The following RAP2A variants were observed in gnomAD, a reference collection of about 807,000 sequenced individuals.
RAP2A encodes ras-related protein Rap-2a.
In RAP2A, 5 loss-of-function variants were observed where a neutral mutation model predicts 15.1. The ratio of observed to expected loss-of-function variants is 0.33; its 90% CI spans 0.17 to 0.70. The LOEUF (loss-of-function observed/expected upper bound fraction) is 0.70, where lower values mean the gene tolerates loss of function less well. Ranked by LOEUF, RAP2A falls within the 30% of genes least tolerant of loss-of-function variation. The pLI, the probability that RAP2A is intolerant of heterozygous loss-of-function variation, is 0.68. For synonymous variants in RAP2A, 110 were observed against 99.7 expected, an observed-to-expected ratio of 1.10 and a Z score of -0.62; for missense variants, 111 against 240.3, an observed-to-expected ratio of 0.46 and a Z score of 3.56.
Position 97,467,685 on chromosome 13 carries a change from T to TA in RAP2A, c.*3243_*3244insA, listed in dbSNP as rs1368276542. ...TTAAGGACTATGGAGGTCTTTTTTTTTTTATTTAACATGTCATTGTTCATC... is the reference window on the plus strand; with the variant it reads ...TTAAGGACTATGGAGGTCTTTTTTTTATTTATTTAACATGTCATTGTTCATC... On this transcript the variant is annotated 3_prime_UTR_variant, in exon 2 of 2. Coordinates refer to ENST00000245304, the MANE Select transcript of RAP2A (RefSeq NM_021033.7). The TA allele has an allele frequency of 2.0e-5, 3 of 152,244 alleles. No individual in the cohort carries two copies. The highest frequency in any genetic ancestry group is 2.1e-4 in the South Asian group (1 of 4,810). The allele number at this position is 152,244 out of a possible 1,614,324, so 9.4% of individuals were successfully genotyped here. A position where few individuals can be genotyped will look rare whatever the true frequency, so the allele number is the denominator to read the frequency against.
At chr13:97,469,126 ATAGT>A (rs1162288971) in exon 2 of RAP2A, 1 of 151,910 alleles carries the variant, frequency 6.6e-6, no homozygotes. Context: ...ATTTTCATAA[ATAGT>A]TTTTGTGGTT....
chr13:97,439,799 G>T (rs1400738363), intron 1 of RAP2A, among the ~76,000 whole-genome samples: 2 of 152,184 alleles, frequency 1.3e-5, no homozygotes, highest in Non-Finnish European at 2.9e-5. Context: ...AAGATACACA[G>T]TGGAGACTTC....
At chr13:97,434,893 C>A in intron 1 of RAP2A, 109 bp downstream of exon 1, 1 of 1,435,344 alleles carries the variant, frequency 7.0e-7, no homozygotes, top group Non-Finnish European at 9.4e-7. Flanking sequence ...GGGGTGGCTC[C>A]AAGCTGGAGG....
At chr13:97,447,174 G>T (rs577924889) in intron 1 of RAP2A, among the ~76,000 whole-genome samples, 1 of 152,098 alleles carries the variant, frequency 6.6e-6, no homozygotes, top group Non-Finnish European at 1.5e-5. Context: ...TGATCTACCC[G>T]ATGTCATTTG....
chr13:97,437,642 ATTAC>A (rs2066639942), intron 1 of RAP2A: 1 of 152,224 alleles, frequency 6.6e-6, no homozygotes. Context: ...TTTGGAATTC[ATTAC>A]TTAGTATATT....
At chr13:97,453,420 T>C (rs1345429243) in intron 1 of RAP2A, among the ~76,000 whole-genome samples, 2 of 151,322 alleles carry the variant, frequency 1.3e-5, no homozygotes, top group African/African-American at 4.9e-5. Context: ...CATTGGTCTG[T>C]TCTCCTTTTC....
In RAP2A at chr13:97,434,502, C is replaced by G; in HGVS notation, c.32C>G (p.Ser11Trp). MREYKVVVLG[S>W]GGVGKSALTV... is the part of the protein sequence containing the mutation. ...GAGTACAAAGTGGTGGTGCTGGGCT[C>G]GGGCGGGGTAGGCAAATCCGCCCTG... The change falls in exon 1 of 2, where the codon TCG (serine) becomes TGG (tryptophan). Residue 11 changes from serine (S) to tryptophan (W), a missense_variant. Ser to Trp is a radical substitution (Grantham distance 177). Around this residue, in one of 3 missense-constraint regions of RAP2A, gnomAD observed 20 missense variants for 28.2 expected, o/e 0.71. Transcript: ENST00000245304. 6.2e-7 allele frequency: 1 copy of G among 1,611,958 alleles called. No homozygotes were observed. Among genetic ancestry groups the G allele is most frequent in the Non-Finnish European group, 8.5e-7 (1 of 1,178,842 alleles).
chr13:97,457,583 G>C (rs1240446878), intron 1 of RAP2A, among the ~76,000 whole-genome samples: 1 of 151,846 alleles, frequency 6.6e-6, no homozygotes, highest in Non-Finnish European at 1.5e-5. Flanking sequence ...CTATAAAATG[G>C]AGTACTACCT....
chr13:97,447,952 T>C (rs921179626), intron 1 of RAP2A, among the ~76,000 whole-genome samples: 7 of 151,776 alleles, frequency 4.6e-5, no homozygotes, highest in African/African-American at 1.5e-4. Context: ...AAACTCCTTA[T>C]ACTACTCAGA....
intron 1 of RAP2A, among the ~76,000 whole-genome samples, chr13:97,435,318 T>A (rs1300915551): frequency 6.6e-6 from 1 of 152,122 alleles, no homozygotes; most frequent in Non-Finnish European, 1.5e-5. Flanking sequence ...AAAGACAGAT[T>A]ATTAAATTAT....
chr13:97,457,397 T>C (rs2066727539), intron 1 of RAP2A, among the ~76,000 whole-genome samples: 1 of 151,964 alleles, frequency 6.6e-6, no homozygotes, highest in African/African-American at 2.4e-5. Flanking sequence ...GATAATTAAA[T>C]TACGGTACAG....
chr13:97,462,055 T>C (rs1247541711), intron 1 of RAP2A, among the ~76,000 whole-genome samples: 1 of 145,540 alleles, frequency 6.9e-6, no homozygotes, highest in African/African-American at 2.5e-5. Context: ...TATATATATT[T>C]ATATATATAT....
chr13:97,440,130 T>C (rs1566471347), intron 1 of RAP2A, among the ~76,000 whole-genome samples: 1 of 147,306 alleles, frequency 6.8e-6, no homozygotes, highest in Non-Finnish European at 1.5e-5. Flanking sequence ...GTGAAACTTC[T>C]GGAGCTCTGC....
intron 1 of RAP2A, among the ~76,000 whole-genome samples, chr13:97,453,169 T>C (rs2153179901): frequency 6.6e-6 from 1 of 151,598 alleles, no homozygotes; most frequent in East Asian, 1.9e-4. Context: ...GTAATTACCT[T>C]TTTAAATTAA....
Position 97,442,816 on chromosome 13 carries a change from G to A in RAP2A, c.314+8032G>A, listed in dbSNP as rs548317627. ...TCCCAGCAATGCTGTGTAAGATTAC[G>A]AAAATGAAGTACTTCCCAATGTGAG... On this transcript the variant is annotated intron_variant, in intron 1 of 1. Coordinates refer to ENST00000245304, the MANE Select transcript of RAP2A (RefSeq NM_021033.7). Among the ~76,000 whole-genome samples, 5 of 152,192 alleles carry A rather than the reference G, an allele frequency of 3.3e-5. No individual in the cohort carries two copies. The South Asian group carries it at 8.3e-4, about 25-fold the overall frequency.
At chr13:97,463,543 T>C (rs2066757304) in intron 1 of RAP2A, among the ~76,000 whole-genome samples, 2 of 152,172 alleles carry the variant, frequency 1.3e-5, no homozygotes, top group Non-Finnish European at 2.9e-5. Context: ...AGGGATGGGG[T>C]GTGGTTGTAT....
At position 97,469,059 on chromosome 13, in the gene RAP2A, A is replaced by G. The variant is rs1223461449; in HGVS notation, c.*4617A>G. On this transcript the variant is annotated 3_prime_UTR_variant, in exon 2 of 2. Coordinates refer to ENST00000245304, the MANE Select transcript of RAP2A (RefSeq NM_021033.7). ...AACATAGTTGCTCTTCATCTCTTAA[A>G]TGGATCATTCCAACTGGTTTTACAT... 1 of 152,212 alleles carries G rather than the reference A, an allele frequency of 6.6e-6. No homozygotes were observed. Among genetic ancestry groups the G allele is most frequent in the Non-Finnish European group, 1.5e-5 (1 of 68,042 alleles). The allele number at this position is 152,212 out of a possible 1,614,324, so 9.4% of individuals were successfully genotyped here.
chr13:97,468,090 C>A lies in RAP2A; in HGVS notation c.*3648C>A, dbSNP rs1486184682. Reference sequence around the variant, plus strand: ...TATAATGAATTTAGTACTCTTCATACAAAAATATTTTAGCTGATTTGAGAG... The same window carrying A: ...TATAATGAATTTAGTACTCTTCATAAAAAAATATTTTAGCTGATTTGAGAG... On this transcript the variant is annotated 3_prime_UTR_variant, in exon 2 of 2. Transcript: ENST00000245304. 6.6e-6 allele frequency: 1 copy of A among 151,962 alleles called. No individual in the cohort carries two copies. The highest frequency in any genetic ancestry group is 1.9e-4 in the East Asian group (1 of 5,186). The allele number at this position is 151,962 out of a possible 1,614,324, so 9.4% of individuals were successfully genotyped here.
At position 97,465,103 on chromosome 13, in the gene RAP2A, T is replaced by C. The variant is rs2066764896; in HGVS notation, c.*661T>C. On this transcript the variant is annotated 3_prime_UTR_variant, in exon 2 of 2. Coordinates refer to ENST00000245304, the MANE Select transcript of RAP2A (RefSeq NM_021033.7). Reference sequence around the variant, plus strand: ...ACTCAGAACAGGTTATGTAAAAATATAGTCTGGCTTTAGAATTTGTTAATT... The same window carrying C: ...ACTCAGAACAGGTTATGTAAAAATACAGTCTGGCTTTAGAATTTGTTAATT... The C allele has an allele frequency of 6.6e-6, 1 of 152,218 alleles. No individual in the cohort carries two copies. The highest frequency in any genetic ancestry group is 2.1e-4 in the South Asian group (1 of 4,836). The allele number at this position is 152,218 out of a possible 1,614,324, so 9.4% of individuals were successfully genotyped here.
Sources: allele counts gnomAD v4.1 joint callset (sites outside exome capture counted in the v4.1 genomes callset), GRCh38; gene constraint gnomAD v4.1.1; regional missense constraint gnomAD v4.1.1; transcripts MANE v1.5; gene names NCBI Gene and HGNC (gene_info 2026-07-23, HGNC 2026-07-21).